Variants in EDC3 observed in about 807,000 individuals in gnomAD.
EDC3 encodes enhancer of mRNA decapping 3.
A neutral mutation model predicts 41.8 loss-of-function variants in EDC3; 20 were observed. The ratio of observed to expected loss-of-function variants is 0.48; its 90% CI spans 0.34 to 0.70. The LOEUF is 0.70. Ranked by LOEUF, EDC3 falls within the 30% of genes least tolerant of loss-of-function variation. EDC3 has a pLI of 0.01. For missense variants in EDC3, 444 were observed against 636.8 expected, an observed-to-expected ratio of 0.70 and a Z score of 3.26; for synonymous variants, 206 against 243.2, an observed-to-expected ratio of 0.85 and a Z score of 1.42.
chr15:74,632,371 GGGTA>G lies in EDC3; in HGVS notation c.*237_*240del. 1.8e-6 allele frequency: 1 copy of G among 570,016 alleles called. No homozygotes were observed. The highest frequency in any genetic ancestry group is 3.1e-6 in the Non-Finnish European group (1 of 319,700). The allele number at this position is 570,016 out of a possible 1,614,324, so 35.3% of individuals were successfully genotyped here. ...CCCACCTGGCCGTGCAGGGGGCTGA[GGGTA>G]GAGATGCCTGGAGTTGCTGCACGCT... On this transcript the variant is annotated 3_prime_UTR_variant, in exon 7 of 7. Coordinates refer to ENST00000315127, the MANE Select transcript of EDC3 (RefSeq NM_025083.5). The surrounding 1 kb of genome is among the most constrained non-coding windows in gnomAD (Gnocchi z 4.0).
chr15:74,635,108 C>T lies in EDC3; in HGVS notation c.1192+301G>A, dbSNP rs529962457. The T allele has an allele frequency of 5.4e-4, 319 of 588,880 alleles. 2 individuals carry two copies. Among genetic ancestry groups the T allele is most frequent in the African/African-American group, 4.3e-3 (237 of 55,064 alleles). 36.5% of individuals were successfully genotyped at this position (588,880 alleles called of 1,614,324 possible). ...GTTCCTCCTAACCAGAATATAAGCTCCACAGAAGAATGGATTTAAAAAAAT... is the reference window on the plus strand; with the variant it reads ...GTTCCTCCTAACCAGAATATAAGCTTCACAGAAGAATGGATTTAAAAAAAT... On this transcript the variant is annotated intron_variant, in intron 6 of 6. Transcript: ENST00000315127.
At chr15:74,668,758 G>GAAAGAAAGAAAGAA (rs1248806884) in intron 3 of EDC3, among the ~76,000 whole-genome samples, 1 of 151,442 alleles carries the variant, frequency 6.6e-6, no homozygotes, top group Admixed American at 6.6e-5. Context: ...AAGAAAGAAA[G>GAAAGAAAGAAAGAA]AAAGAAAAAG....
chr15:74,678,611 T>C (rs1440773323), intron 1 of EDC3, among the ~76,000 whole-genome samples: 1 of 152,172 alleles, frequency 6.6e-6, no homozygotes, highest in Non-Finnish European at 1.5e-5. Context: ...GGAATGAGGC[T>C]GGATGCAATG....
intron 4 of EDC3, among the ~76,000 whole-genome samples, chr15:74,654,117 G>A (rs1325870468): frequency 1.3e-5 from 2 of 152,184 alleles, no homozygotes; most frequent in African/African-American, 2.4e-5. Flanking sequence ...GCCAGGCATG[G>A]TGGTGTGTAC....
At chr15:74,691,922 T>G (rs1314226986) in intron 1 of EDC3, among the ~76,000 whole-genome samples, 1 of 152,070 alleles carries the variant, frequency 6.6e-6, no homozygotes, top group African/African-American at 2.4e-5. Context: ...GTTCAAGCGA[T>G]TCTCCTGCCT....
intron 4 of EDC3, among the ~76,000 whole-genome samples, chr15:74,648,171 C>T (rs1359598113): frequency 1.3e-5 from 2 of 152,212 alleles, no homozygotes; most frequent in Non-Finnish European, 2.9e-5. Flanking sequence ...TCTTCAGTGG[C>T]ACTTCTAAAC....
At chr15:74,657,564 G>A (rs2062564497) in intron 3 of EDC3, among the ~76,000 whole-genome samples, 1 of 152,208 alleles carries the variant, frequency 6.6e-6, no homozygotes, top group South Asian at 2.1e-4. Flanking sequence ...GAAATATCCT[G>A]CTTCAGTTTG....
At chr15:74,646,064 GT>G (rs11359170) in intron 4 of EDC3, among the ~76,000 whole-genome samples, 36,987 of 127,332 alleles carry the variant, frequency 0.29, 6,360 homozygotes, top group African/African-American at 0.5. Context: ...TTGTTGTTTT[GT>G]TTTTTTTTTT....
At chr15:74,641,170 A>G (rs1389746871) in intron 4 of EDC3, 4 of 152,476 alleles carry the variant, frequency 2.6e-5, no homozygotes, top group Non-Finnish European at 2.9e-5. Flanking sequence ...TCTTCTATTT[A>G]CCCCTTCCTT....
intron 1 of EDC3, among the ~76,000 whole-genome samples, chr15:74,676,451 T>G (rs750330608): frequency 1.4e-4 from 22 of 151,930 alleles, no homozygotes; most frequent in Non-Finnish European, 2.4e-4. Flanking sequence ...TCTTTGAAAA[T>G]ATTAATAAAG....
chr15:74,646,753 A>G (rs2062423911), intron 4 of EDC3, among the ~76,000 whole-genome samples: 2 of 152,204 alleles, frequency 1.3e-5, no homozygotes, highest in South Asian at 4.1e-4. Flanking sequence ...TATGCAGGAT[A>G]AAGTTGACAG....
At chr15:74,684,840 G>A (rs965794659) in intron 1 of EDC3, among the ~76,000 whole-genome samples, 1 of 152,090 alleles carries the variant, frequency 6.6e-6, no homozygotes, top group Non-Finnish European at 1.5e-5. Context: ...GCCAGGCATG[G>A]TGGCTCATGC....
At chr15:74,646,276 T>C (rs1051359616) in intron 4 of EDC3, among the ~76,000 whole-genome samples, 1 of 152,168 alleles carries the variant, frequency 6.6e-6, no homozygotes, top group Non-Finnish European at 1.5e-5. Context: ...TTTCACCATA[T>C]TGGCCAGGCT....
chr15:74,632,721 C>CGGCCT lies in EDC3; in HGVS notation c.1413_1417dup (p.Arg473GlnfsTer54). ...AATGCCAATGTCGCACAAATAGATA[C>CGGCCT]GGCCTGCGTGCTCCCCCAGTGGCAG... On this transcript the variant is annotated frameshift_variant, in exon 7 of 7. Transcript: ENST00000315127. LOFTEE classifies it high-confidence loss of function. The surrounding 1 kb of genome is among the most constrained non-coding windows in gnomAD (Gnocchi z 4.0). 2 of 1,614,166 alleles carry CGGCCT rather than the reference C, an allele frequency of 1.2e-6. No homozygotes were observed. Among genetic ancestry groups the CGGCCT allele is most frequent in the Non-Finnish European group, 1.7e-6 (2 of 1,180,036 alleles).
At chr15:74,651,153 A>G (rs1043055562) in intron 4 of EDC3, among the ~76,000 whole-genome samples, 1 of 152,208 alleles carries the variant, frequency 6.6e-6, no homozygotes, top group African/African-American at 2.4e-5. Context: ...CTAGTGTTTT[A>G]TATTTAAACT....
intron 1 of EDC3, chr15:74,695,449 C>T (rs2063053958): frequency 6.6e-6 from 1 of 152,160 alleles, no homozygotes; most frequent in Non-Finnish European, 1.5e-5. Flanking sequence ...TCTCAGGCAT[C>T]CTCTTTTTCT....
chr15:74,656,025 T>A lies in EDC3; in HGVS notation c.528A>T (p.Lys176Asn). Residue 176 changes from lysine to asparagine, a missense_variant, in exon 4 of 7, where the codon AAA becomes AAT. Lys to Asn is a moderately conservative substitution (Grantham distance 94, BLOSUM62 0). Transcript: ENST00000315127. ...SRHPNQATPK[K>N]SGLKNGQMKN... ...TCATCTGGCCATTCTTTAAACCACT[T>A]TTCTTGGGAGTTGCCTGATTTGGGT... The A allele has an allele frequency of 6.2e-7, 1 of 1,613,124 alleles. No homozygotes were observed. The highest frequency in any genetic ancestry group is 1.1e-5 in the South Asian group (1 of 91,066).
chr15:74,642,589 G>T (rs1270457339), intron 4 of EDC3: 1 of 152,200 alleles, frequency 6.6e-6, no homozygotes, highest in African/African-American at 2.4e-5. Context: ...GCAGAGTCAC[G>T]CAAGGCAGAG....
intron 3 of EDC3, among the ~76,000 whole-genome samples, chr15:74,664,329 G>A (rs552309253): frequency 1.8e-4 from 28 of 152,240 alleles, no homozygotes; most frequent in Non-Finnish European, 2.8e-4. Context: ...TGGCCACTGC[G>A]AGAGAAAAGC....
Sources: gnomAD v4.1 joint callset for allele counts (sites outside exome capture counted in the v4.1 genomes callset) on GRCh38, gnomAD v4.1.1 for gene constraint, Gnocchi (gnomAD v3.1) non-coding constraint, MANE v1.5 for transcripts, NCBI Gene and HGNC (gene_info 2026-07-23, HGNC 2026-07-21) for gene names.